Variants in APBA2 observed in about 807,000 individuals in gnomAD.
APBA2 encodes amyloid beta precursor protein binding family A member 2.
A neutral mutation model predicts 75.0 loss-of-function variants in APBA2; 30 were observed. The observed-to-expected ratio is 0.40, with a 90% CI of 0.30 to 0.54. The LOEUF (loss-of-function observed/expected upper bound fraction) is 0.54, where lower values mean the gene tolerates loss of function less well. Among genes scored for constraint, APBA2 ranks in the 20% least tolerant of loss-of-function variants. The pLI is 0.49. For synonymous variants in APBA2, 444 were observed against 409.6 expected (o/e 1.08, Z -1.01); for missense variants, 801 against 1,016.1 (o/e 0.79, Z 2.88).
intron 3 of APBA2, among the ~76,000 whole-genome samples, chr15:29,048,681 A>G (rs982642207): frequency 3.3e-5 from 5 of 152,024 alleles, no homozygotes; most frequent in Admixed American, 3.3e-4. Context: ...CACACCTGTA[A>G]TCCCAGCACT....
intron 2 of APBA2, among the ~76,000 whole-genome samples, chr15:28,984,197 G>C (rs1045321491): frequency 1.3e-5 from 2 of 152,122 alleles, no homozygotes; most frequent in South Asian, 4.1e-4. Flanking sequence ...CTCTCGAGGC[G>C]TTATTATTCG....
At chr15:29,037,484 G>T (rs72716242) in intron 3 of APBA2, among the ~76,000 whole-genome samples, 4,269 of 152,210 alleles carry the variant, frequency 0.028, 86 homozygotes, top group Middle Eastern at 0.061. Context: ...CTGAGGGTTT[G>T]TTGGGATTAG....
chr15:28,999,899 GA>G (rs1310392356), intron 3 of APBA2, among the ~76,000 whole-genome samples: 1 of 152,208 alleles, frequency 6.6e-6, no homozygotes. Context: ...GGAAAGCAGA[GA>G]ACTGGTGCAG....
chr15:29,105,648 C>T lies in APBA2; in HGVS notation c.1704+90C>T, dbSNP rs751007485. 154 of 1,424,446 alleles carry T rather than the reference C, an allele frequency of 1.1e-4. 1 individual carries two copies. Among genetic ancestry groups the T allele is most frequent in the South Asian group, 4.2e-4 (36 of 84,964 alleles). 88.2% of individuals were successfully genotyped at this position (1,424,446 alleles called of 1,614,324 possible). On this transcript the variant is annotated intron_variant, in intron 11 of 14. Coordinates refer to ENST00000683413, the MANE Select transcript of APBA2 (RefSeq NM_001353788.2). ...AGAGCGAGCCTTCCCGGGGTCCTCA[C>T]GCACACCCTTGCCTTCCTATCAGAC...
intron 10 of APBA2, among the ~76,000 whole-genome samples, chr15:29,104,762 C>A (rs375010056): frequency 6.6e-6 from 1 of 152,186 alleles, no homozygotes; most frequent in South Asian, 2.1e-4. Context: ...ACTGAAAGTC[C>A]ATTTTCGGCA....
In APBA2 at chr15:29,046,313, A is replaced by C. The variant is rs2041328001; in HGVS notation, c.-40-7532A>C. ...ACGTTTTTGCCCACCTTTCCTTCTC[A>C]CCTCCCCTTGGCCACACCCCACTTT... On this transcript the variant is annotated intron_variant, in intron 3 of 14. Transcript: ENST00000683413. This position sits in a 1 kb window ranked among gnomAD's most constrained non-coding sequence, Gnocchi z 5.0. Among the ~76,000 whole-genome samples the C allele has an allele frequency of 1.3e-5, 2 of 151,632 alleles. No individual in the cohort carries two copies. Among genetic ancestry groups the C allele is most frequent in the African/African-American group, 2.4e-5 (1 of 41,226 alleles).
chr15:29,099,721 A>G (rs922419231), intron 9 of APBA2, among the ~76,000 whole-genome samples: 2 of 152,220 alleles, frequency 1.3e-5, no homozygotes, highest in Non-Finnish European at 2.9e-5. Context: ...GGCCTGCCCC[A>G]GTACCTCTTC....
chr15:28,925,689 G>A (rs754103542), intron 2 of APBA2, among the ~76,000 whole-genome samples: 8 of 152,160 alleles, frequency 5.3e-5, no homozygotes, highest in Non-Finnish European at 1.0e-4. Flanking sequence ...ATTCTGTTGA[G>A]TTGATTTATG....
intron 3 of APBA2, among the ~76,000 whole-genome samples, chr15:29,033,964 C>CCAAA (rs1555397217): frequency 2.5e-5 from 1 of 39,546 alleles, no homozygotes; most frequent in African/African-American, 8.7e-5. Flanking sequence ...GACTCCATCT[C>CCAAA]AAAAAAAAAA....
At chr15:29,106,195 G>A (rs1039938050) in intron 11 of APBA2, among the ~76,000 whole-genome samples, 2 of 152,194 alleles carry the variant, frequency 1.3e-5, no homozygotes, top group Non-Finnish European at 2.9e-5. Flanking sequence ...AGTGAAGGCC[G>A]GGGGCAGGAT....
intron 1 of APBA2, among the ~76,000 whole-genome samples, chr15:28,893,146 C>T (rs2032245550): frequency 6.6e-6 from 1 of 152,200 alleles, no homozygotes; most frequent in Non-Finnish European, 1.5e-5. Flanking sequence ...TGTGAGCCAG[C>T]TGTAGAGCGT....
At chr15:28,889,001 C>T (rs567326473) in intron 1 of APBA2, among the ~76,000 whole-genome samples, 2 of 152,200 alleles carry the variant, frequency 1.3e-5, no homozygotes, top group South Asian at 4.2e-4. Context: ...AGGAGGCAGC[C>T]TGTGTGCCCA....
chr15:28,959,398 C>T (rs8026832), intron 2 of APBA2, among the ~76,000 whole-genome samples: 50,956 of 152,184 alleles, frequency 0.33, 15,442 homozygotes, highest in African/African-American at 0.8. Context: ...GAAGAGGTAA[C>T]TGAGTTAAAA....
chr15:29,095,357 A>G (rs572578216), intron 8 of APBA2, among the ~76,000 whole-genome samples: 1 of 151,688 alleles, frequency 6.6e-6, no homozygotes, highest in South Asian at 2.1e-4. Flanking sequence ...TGAACTCGGG[A>G]GGCAAGAGGT....
At position 29,054,770 on chromosome 15, in the gene APBA2, C is replaced by T. The variant is rs368320674; in HGVS notation, c.886C>T (p.Pro296Ser). 1 of 1,605,782 alleles carries T rather than the reference C, an allele frequency of 6.2e-7. No homozygotes were observed. The highest frequency in any genetic ancestry group is 8.5e-7 in the Non-Finnish European group (1 of 1,179,968). Residue 296 changes from proline to serine, a missense_variant, in exon 4 of 15, where the codon CCC becomes TCC. By Grantham distance (74) the Pro-to-Ser change is moderately conservative. Transcript: ENST00000683413. This position sits in a 1 kb window ranked among gnomAD's most constrained non-coding sequence, Gnocchi z 6.1. ...LLPEAKHPGD[P>S]QRGFKPKTRT... ...TCCCGAGGCCAAGCACCCCGGAGAC[C>T]CCCAGAGAGGCTTCAAGCCCAAGAC...
At chr15:29,110,181 C>T (rs1044426333) in intron 13 of APBA2, among the ~76,000 whole-genome samples, 4 of 152,246 alleles carry the variant, frequency 2.6e-5, no homozygotes, top group African/African-American at 7.2e-5. Context: ...ACTGCACCCC[C>T]GACCATCACC....
At chr15:29,055,997 C>G (rs188374933) in intron 4 of APBA2, among the ~76,000 whole-genome samples, 35 of 152,260 alleles carry the variant, frequency 2.3e-4, no homozygotes, top group East Asian at 1.9e-3. Flanking sequence ...TAGGCCAAAG[C>G]AAAGTGTTTC....
intron 4 of APBA2, among the ~76,000 whole-genome samples, chr15:29,068,210 G>A (rs1049192228): frequency 2.0e-5 from 3 of 152,184 alleles, no homozygotes; most frequent in Non-Finnish European, 2.9e-5. Flanking sequence ...TTGAATTTTA[G>A]CCCCAGTAGG....
At chr15:29,108,706 C>A in intron 13 of APBA2, 1 of 501,286 alleles carries the variant, frequency 2.0e-6, no homozygotes, top group South Asian at 2.2e-5. Flanking sequence ...AGCTTGGACA[C>A]AACCAATTGT....
Sources: gnomAD v4.1 joint callset for allele counts (sites outside exome capture counted in the v4.1 genomes callset) on GRCh38, gnomAD v4.1.1 for gene constraint, Gnocchi (gnomAD v3.1) non-coding constraint, MANE v1.5 for transcripts, NCBI Gene and HGNC (gene_info 2026-07-23, HGNC 2026-07-21) for gene names.